Variants in HTR2C observed in about 807,000 individuals in gnomAD.
HTR2C encodes the protein 5-hydroxytryptamine receptor 2C.
HTR2C carries 5 observed loss-of-function variants against 21.0 expected under a neutral mutation model. The observed-to-expected ratio is 0.24, with a 90% CI of 0.12 to 0.50. HTR2C has a LOEUF of 0.50. Among genes scored for constraint, HTR2C ranks in the 20% least tolerant of loss-of-function variants. The probability of loss-of-function intolerance (pLI) is 0.98; values close to 1 mark genes in which losing one functional copy is unlikely to be tolerated. For synonymous variants in HTR2C, 150 were observed against 145.3 expected, an observed-to-expected ratio of 1.03 and a Z score of -0.23; for missense variants, 271 against 371.2, an observed-to-expected ratio of 0.73 and a Z score of 2.22.
intron 4 of HTR2C, among the ~76,000 whole-genome samples, chrX:114,771,067 G>T (rs2069998037): frequency 9.0e-6 from 1 of 111,265 alleles, no homozygotes; most frequent in African/African-American, 3.3e-5. Flanking sequence ...CTCCCAAAGT[G>T]CTGGGATTAC....
intron 2 of HTR2C, among the ~76,000 whole-genome samples, chrX:114,723,974 GA>G (rs1569487778): frequency 1.0e-5 from 1 of 98,332 alleles, no homozygotes; most frequent in Non-Finnish European, 2.1e-5. Flanking sequence ...GTGTGGTGCT[GA>G]AAAAAATGTA....
intron 4 of HTR2C, among the ~76,000 whole-genome samples, chrX:114,843,239 G>A (rs2070848408): frequency 9.0e-6 from 1 of 111,163 alleles, no homozygotes; most frequent in Non-Finnish European, 1.9e-5. Context: ...CAAACCAGAA[G>A]AACAATGTCT....
intron 5 of HTR2C, among the ~76,000 whole-genome samples, chrX:114,855,561 A>G (rs2070953018): frequency 1.8e-5 from 2 of 109,945 alleles, no homozygotes; most frequent in South Asian, 7.7e-4. Flanking sequence ...AATAGCATCT[A>G]TTTTTTGCTT....
At chrX:114,724,504 A>C (rs1252416982) in intron 2 of HTR2C, among the ~76,000 whole-genome samples, 1 of 86,883 alleles carries the variant, frequency 1.2e-5, no homozygotes, top group Non-Finnish European at 2.3e-5. Flanking sequence ...TGGAGCATTT[A>C]GTCCATTTAC....
At chrX:114,872,490 CT>C (rs2071100388) in intron 5 of HTR2C, among the ~76,000 whole-genome samples, 1 of 109,156 alleles carries the variant, frequency 9.2e-6, no homozygotes, top group African/African-American at 3.3e-5. Flanking sequence ...CCTAAGTTTT[CT>C]TCTGCTTGTG....
intron 4 of HTR2C, among the ~76,000 whole-genome samples, chrX:114,771,785 A>C (rs782749485): frequency 1.8e-5 from 2 of 112,641 alleles, no homozygotes; most frequent in Non-Finnish European, 3.7e-5. Flanking sequence ...AATCCAGCTC[A>C]TGTTATTGTT....
intron 2 of HTR2C, among the ~76,000 whole-genome samples, chrX:114,618,951 T>G (rs1929051252): frequency 9.0e-6 from 1 of 111,475 alleles, no homozygotes; most frequent in African/African-American, 3.3e-5. Flanking sequence ...ATGAAGATAC[T>G]ATTAAAATAT....
At chrX:114,611,197 A>G (rs1928715541) in intron 1 of HTR2C, among the ~76,000 whole-genome samples, 1 of 111,990 alleles carries the variant, frequency 8.9e-6, no homozygotes, top group African/African-American at 3.2e-5. Flanking sequence ...TGTCTGCAAT[A>G]GTCACAATTC....
intron 1 of HTR2C, among the ~76,000 whole-genome samples, chrX:114,586,905 T>C (rs190291214): frequency 1.2e-3 from 136 of 111,464 alleles, no homozygotes; most frequent in African/African-American, 4.2e-3. Flanking sequence ...CCCTCAATTT[T>C]TCAAGGTATT....
chrX:114,820,139 G>A (rs1409412234), intron 4 of HTR2C, among the ~76,000 whole-genome samples: 4 of 110,075 alleles, frequency 3.6e-5, no homozygotes, highest in African/African-American at 1.3e-4. Flanking sequence ...GAGAGGGTCT[G>A]TTCTTTCAGT....
At chrX:114,849,862 G>C (rs924428634) in intron 5 of HTR2C, among the ~76,000 whole-genome samples, 1 of 111,914 alleles carries the variant, frequency 8.9e-6, no homozygotes, top group Non-Finnish European at 1.9e-5. Context: ...TGCTGTCACT[G>C]AAATACAATG....
intron 2 of HTR2C, among the ~76,000 whole-genome samples, chrX:114,719,670 A>T (rs1933120158): frequency 9.0e-6 from 1 of 111,634 alleles, no homozygotes; most frequent in Admixed American, 9.6e-5. Flanking sequence ...ATTTTTTGTG[A>T]TTATTACTCA....
intron 2 of HTR2C, among the ~76,000 whole-genome samples, chrX:114,658,851 C>T (rs974805819): frequency 4.5e-5 from 5 of 111,295 alleles, no homozygotes; most frequent in Non-Finnish European, 7.5e-5. Flanking sequence ...ATAAGGGGGG[C>T]AAAAGTTTTA....
chrX:114,616,738 A>G (rs1928964408), intron 2 of HTR2C, among the ~76,000 whole-genome samples: 1 of 111,942 alleles, frequency 8.9e-6, no homozygotes, highest in African/African-American at 3.2e-5. Flanking sequence ...CAAAGTAACA[A>G]TTTAGGTAAT....
Position 114,859,607 on chromosome X carries a change from G to A in HTR2C, c.550+11404G>A, listed in dbSNP as rs782016631. On this transcript the variant is annotated intron_variant, in intron 5 of 5. Coordinates refer to ENST00000276198, the MANE Select transcript of HTR2C (RefSeq NM_000868.4). Reference sequence around the variant, plus strand: ...TCTTTTTGTGTTTAGTTTACTAAGAGTTTATAATTTTTTTTTAACTTCTCC... The same window carrying A: ...TCTTTTTGTGTTTAGTTTACTAAGAATTTATAATTTTTTTTTAACTTCTCC... Among the ~76,000 whole-genome samples, 6 of 110,768 alleles carry A rather than the reference G, an allele frequency of 5.4e-5. No homozygotes were observed. In the South Asian group the frequency reaches 2.3e-3, roughly 42 times the overall value.
intron 2 of HTR2C, among the ~76,000 whole-genome samples, chrX:114,645,101 G>T (rs1930312995): frequency 9.0e-6 from 1 of 110,870 alleles, no homozygotes; most frequent in South Asian, 3.8e-4. Context: ...TATTGTTTGA[G>T]GGCAGGGGGC....
chrX:114,718,682 C>T (rs1933066016), intron 2 of HTR2C, among the ~76,000 whole-genome samples: 1 of 110,079 alleles, frequency 9.1e-6, no homozygotes, highest in Non-Finnish European at 1.9e-5. Flanking sequence ...CTGTGATTTA[C>T]ACTGTAGAAA....
intron 4 of HTR2C, chrX:114,774,750 C>G (rs1556438212): frequency 3.1e-6 from 1 of 323,156 alleles, no homozygotes; most frequent in Non-Finnish European, 5.5e-6. Context: ...TTAAACACTG[C>G]CACAGAATTT....
At chrX:114,815,504 C>G (rs1556454184) in intron 4 of HTR2C, among the ~76,000 whole-genome samples, 1 of 111,104 alleles carries the variant, frequency 9.0e-6, no homozygotes, top group African/African-American at 3.3e-5. Flanking sequence ...AATTTTGAAG[C>G]ATTTGTAAAA....
Sources: gnomAD v4.1 joint callset for allele counts (sites outside exome capture counted in the v4.1 genomes callset) on GRCh38, gnomAD v4.1.1 for gene constraint, MANE v1.5 for transcripts, NCBI Gene and HGNC (gene_info 2026-07-23, HGNC 2026-07-21) for gene names.